SVEP1: variants seen among roughly 807,000 people sequenced by gnomAD.
SVEP1 encodes the protein sushi, von Willebrand factor type A, EGF and pentraxin domain containing 1.
In SVEP1, 164 loss-of-function variants were observed where a neutral mutation model predicts 367.3. That is an observed-to-expected ratio of 0.45 (90% CI 0.39 to 0.51). The LOEUF is 0.51. Among genes scored for constraint, SVEP1 ranks in the 20% least tolerant of loss-of-function variants. SVEP1 has a pLI of 0.00. For missense variants in SVEP1, 4,117 were observed against 4,425.3 expected, an observed-to-expected ratio of 0.93 and a Z score of 1.98; for synonymous variants, 1,666 against 1,611.6, an observed-to-expected ratio of 1.03 and a Z score of -0.81.
intron 3 of SVEP1, among the ~76,000 whole-genome samples, chr9:110,541,229 T>G (rs1029305455): frequency 1.7e-4 from 26 of 151,310 alleles, no homozygotes; most frequent in African/African-American, 5.8e-4. Context: ...GTCCTTATCC[T>G]AATCAAGGTA....
intron 29 of SVEP1, among the ~76,000 whole-genome samples, 160 bp from the exon 30 acceptor site, chr9:110,434,666 T>TAAAAAAAAAACAAAA (rs1828405025): frequency 2.5e-5 from 1 of 40,620 alleles, no homozygotes; most frequent in Non-Finnish European, 4.2e-5. Flanking sequence ...GCAAAATCAC[T>TAAAAAAAAAACAAAA]AAAAAAAAAA....
chr9:110,470,994 C>T (rs1407463298), intron 16 of SVEP1, among the ~76,000 whole-genome samples: 1 of 151,840 alleles, frequency 6.6e-6, no homozygotes, highest in South Asian at 2.1e-4. Flanking sequence ...TTTTCTCATC[C>T]GTAAAATGTG....
At chr9:110,427,860 T>C (rs1162848266) in intron 35 of SVEP1, 102 bp from the exon 36 acceptor site, 4 of 1,363,262 alleles carry the variant, frequency 2.9e-6, no homozygotes, top group African/African-American at 1.5e-5. Context: ...TTTGAGGAAT[T>C]TGAGTACACA....
At chr9:110,427,470 G>C in intron 36 of SVEP1, 121 bp downstream of exon 36, 1 of 1,177,238 alleles carries the variant, frequency 8.5e-7, no homozygotes. Flanking sequence ...AAAGCATAAG[G>C]CTCTCTTTGT....
At chr9:110,367,582 C>T (rs1419547551) in intron 47 of SVEP1, among the ~76,000 whole-genome samples, 1 of 152,156 alleles carries the variant, frequency 6.6e-6, no homozygotes, top group African/African-American at 2.4e-5. Flanking sequence ...TTCTTTTCTT[C>T]TGGGAATTGC....
intron 1 of SVEP1, among the ~76,000 whole-genome samples, chr9:110,573,587 G>T (rs947270607): frequency 1.7e-4 from 25 of 151,408 alleles, no homozygotes; most frequent in Admixed American, 5.2e-4. Flanking sequence ...TTCAAAGGAA[G>T]CTTCATGCGA....
intron 18 of SVEP1, among the ~76,000 whole-genome samples, chr9:110,462,317 T>A (rs1828869616): frequency 6.6e-6 from 1 of 152,098 alleles, no homozygotes; most frequent in South Asian, 2.1e-4. Flanking sequence ...TTGTAATGTC[T>A]ATACTTTTTA....
chr9:110,452,953 A>G (rs755803696), intron 22 of SVEP1, among the ~76,000 whole-genome samples: 1 of 152,206 alleles, frequency 6.6e-6, no homozygotes, highest in African/African-American at 2.4e-5. Context: ...TAAACTCAAT[A>G]TATCTTTTCA....
intron 18 of SVEP1, among the ~76,000 whole-genome samples, chr9:110,461,518 G>A (rs1456194308): frequency 1.3e-5 from 2 of 152,066 alleles, no homozygotes; most frequent in African/African-American, 2.4e-5. Flanking sequence ...TTAGTAGTAC[G>A]GTTGAAAAAT....
intron 36 of SVEP1, among the ~76,000 whole-genome samples, chr9:110,416,651 G>A (rs988716262): frequency 6.6e-6 from 1 of 152,022 alleles, no homozygotes; most frequent in Admixed American, 6.6e-5. Flanking sequence ...ATTCTCAGAT[G>A]TAAGAAGTAC....
At chr9:110,476,906 C>T (rs1008413429) in intron 13 of SVEP1, among the ~76,000 whole-genome samples, 1 of 152,136 alleles carries the variant, frequency 6.6e-6, no homozygotes, top group African/African-American at 2.4e-5. Context: ...CCCTTAAAGG[C>T]TCACAGTTCT....
chr9:110,387,067 ATCAC>A (rs1310869319), intron 42 of SVEP1, among the ~76,000 whole-genome samples: 1 of 152,134 alleles, frequency 6.6e-6, no homozygotes, highest in Non-Finnish European at 1.5e-5. Flanking sequence ...TCTCTTAGTA[ATCAC>A]TCATGGAATC....
At chr9:110,464,846 T>C (rs1828910767) in intron 18 of SVEP1, among the ~76,000 whole-genome samples, 1 of 152,178 alleles carries the variant, frequency 6.6e-6, no homozygotes, top group Non-Finnish European at 1.5e-5. Context: ...TTTAGTCCAG[T>C]TCTATTGACT....
At chr9:110,525,447 A>T (rs1008419686) in intron 3 of SVEP1, among the ~76,000 whole-genome samples, 1 of 152,212 alleles carries the variant, frequency 6.6e-6, no homozygotes, top group South Asian at 2.1e-4. Flanking sequence ...AAATTAATAT[A>T]TCATGTTTGT....
intron 46 of SVEP1, among the ~76,000 whole-genome samples, chr9:110,374,401 A>G (rs975896616): frequency 6.6e-6 from 1 of 152,172 alleles, no homozygotes; most frequent in Non-Finnish European, 1.5e-5. Flanking sequence ...TGTAATCTCA[A>G]AACTTTGGGA....
At chr9:110,571,379 G>A (rs1432716742) in intron 1 of SVEP1, among the ~76,000 whole-genome samples, 1 of 152,142 alleles carries the variant, frequency 6.6e-6, no homozygotes, top group African/African-American at 2.4e-5. Flanking sequence ...GTACTGTGTG[G>A]ACTGCCACAG....
At chr9:110,514,487 T>C (rs1441126073) in intron 3 of SVEP1, among the ~76,000 whole-genome samples, 1 of 139,320 alleles carries the variant, frequency 7.2e-6, no homozygotes, top group African/African-American at 2.7e-5. Flanking sequence ...CACTCCAGCC[T>C]GGGCAACAAG....
chr9:110,429,104 A>G (rs1250419078), intron 35 of SVEP1, 39 bp downstream of exon 35: 6 of 1,446,328 alleles, frequency 4.1e-6, no homozygotes, highest in Non-Finnish European at 5.5e-6. Context: ...CGAGTAACAC[A>G]GTATTGTAGA....
chr9:110,568,123 A>T (rs1033506398), intron 1 of SVEP1, among the ~76,000 whole-genome samples: 1 of 152,086 alleles, frequency 6.6e-6, no homozygotes, highest in African/African-American at 2.4e-5. Flanking sequence ...CTCTCACATC[A>T]ATATTTACTA....
Sources: allele counts gnomAD v4.1 joint callset (sites outside exome capture counted in the v4.1 genomes callset), GRCh38; gene constraint gnomAD v4.1.1; transcripts MANE v1.5; gene names NCBI Gene and HGNC (gene_info 2026-07-23, HGNC 2026-07-21).